NOL4: variants seen among roughly 807,000 people sequenced by gnomAD.
NOL4 encodes cancer/testis antigen 125.
A neutral mutation model predicts 75.9 loss-of-function variants in NOL4; 17 were observed. The ratio of observed to expected loss-of-function variants is 0.22; its 90% CI spans 0.15 to 0.34. NOL4 has a LOEUF of 0.34. Among genes scored for constraint, NOL4 ranks in the 10% least tolerant of loss-of-function variants. The pLI is 1.00. For missense variants in NOL4, 614 were observed against 793.5 expected, an observed-to-expected ratio of 0.77 and a Z score of 2.72; for synonymous variants, 292 against 289.9, an observed-to-expected ratio of 1.01 and a Z score of -0.07.
At chr18:34,061,645 A>C (rs951523717) in intron 5 of NOL4, among the ~76,000 whole-genome samples, 1 of 152,190 alleles carries the variant, frequency 6.6e-6, no homozygotes, top group Non-Finnish European at 1.5e-5. Context: ...GTTTTCATTA[A>C]TTCCACACTG....
intron 8 of NOL4, 120 bp downstream of exon 8, chr18:33,957,206 C>T: frequency 1.3e-6 from 1 of 755,934 alleles, no homozygotes; most frequent in Non-Finnish European, 2.0e-6. Flanking sequence ...ACAAAACCCC[C>T]TTTGACCTGA....
chr18:34,073,755 T>C (rs1174715237), intron 5 of NOL4, among the ~76,000 whole-genome samples: 2 of 151,952 alleles, frequency 1.3e-5, no homozygotes, highest in Non-Finnish European at 2.9e-5. Flanking sequence ...AGCTACAAAA[T>C]AATAGGGATA....
rs201241470 is a variant in NOL4, at chr18:34,088,727, A to T, written c.772+4738T>A. ...CTTTTAAGTCTGTAAAAAAAAATTTAAATAGCTCAACTTAGTTTCCTCAAA... is the reference window on the plus strand; with the variant it reads ...CTTTTAAGTCTGTAAAAAAAAATTTTAATAGCTCAACTTAGTTTCCTCAAA... On this transcript the variant is annotated intron_variant, in intron 5 of 10. Coordinates refer to ENST00000261592, the MANE Select transcript of NOL4 (RefSeq NM_003787.5). Among the ~76,000 whole-genome samples, 12 of 152,280 alleles carry T rather than the reference A, an allele frequency of 7.9e-5. No individual in the cohort carries two copies. In the East Asian group the frequency reaches 1.9e-3, roughly 24 times the overall value.
intron 9 of NOL4, among the ~76,000 whole-genome samples, chr18:33,913,367 C>G (rs1326792273): frequency 6.6e-6 from 1 of 152,048 alleles, no homozygotes. Flanking sequence ...AATGCAAAAC[C>G]TTTTTTCTAG....
chr18:33,974,479 G>A (rs112379504), intron 6 of NOL4, among the ~76,000 whole-genome samples: 1 of 152,034 alleles, frequency 6.6e-6, no homozygotes, highest in African/African-American at 2.4e-5. Flanking sequence ...GAGAGAGATG[G>A]GGGAACAGCC....
intron 1 of NOL4, among the ~76,000 whole-genome samples, chr18:34,220,418 AT>A (rs2037216530): frequency 6.6e-6 from 1 of 152,202 alleles, no homozygotes; most frequent in African/African-American, 2.4e-5. Flanking sequence ...GCTAAGAATG[AT>A]TCTTAGTCTG....
At chr18:34,210,047 C>T (rs189165747) in intron 1 of NOL4, among the ~76,000 whole-genome samples, 1 of 152,214 alleles carries the variant, frequency 6.6e-6, no homozygotes, top group Admixed American at 6.5e-5. Flanking sequence ...CTCTTGTTAT[C>T]AATTGTGAAG....
At chr18:34,140,701 T>C (rs1200532065) in intron 1 of NOL4, among the ~76,000 whole-genome samples, 1 of 152,302 alleles carries the variant, frequency 6.6e-6, no homozygotes, top group Middle Eastern at 3.4e-3. Flanking sequence ...TCTTGTTATG[T>C]GTGAATTTGA....
At chr18:34,103,821 C>A (rs1391006276) in intron 4 of NOL4, among the ~76,000 whole-genome samples, 4 of 152,068 alleles carry the variant, frequency 2.6e-5, no homozygotes, top group East Asian at 1.9e-4. Flanking sequence ...TTCTTGGGAA[C>A]AAACAAATTC....
chr18:34,125,299 A>T (rs559374355), intron 2 of NOL4, among the ~76,000 whole-genome samples: 4 of 152,284 alleles, frequency 2.6e-5, no homozygotes, highest in Admixed American at 2.6e-4. Flanking sequence ...AGATCTGCAA[A>T]CTCTACAAAC....
chr18:33,921,812 T>G (rs890089296), intron 9 of NOL4, among the ~76,000 whole-genome samples: 5 of 152,234 alleles, frequency 3.3e-5, no homozygotes, highest in Non-Finnish European at 7.3e-5. Context: ...TAATGTCCAC[T>G]GTAGTGAACA....
At chr18:33,898,833 C>T (rs1208883071) in intron 9 of NOL4, among the ~76,000 whole-genome samples, 2 of 152,082 alleles carry the variant, frequency 1.3e-5, no homozygotes, top group East Asian at 3.9e-4. Flanking sequence ...GCATGCAGAG[C>T]TCTTCAGAGT....
intron 5 of NOL4, among the ~76,000 whole-genome samples, chr18:34,064,342 T>C (rs1177970912): frequency 2.0e-5 from 3 of 151,974 alleles, no homozygotes; most frequent in African/African-American, 7.2e-5. Context: ...CAAATAATAC[T>C]GCAGTTGTAC....
chr18:34,051,049 C>T (rs2144972566), intron 5 of NOL4, among the ~76,000 whole-genome samples: 1 of 152,034 alleles, frequency 6.6e-6, no homozygotes, highest in South Asian at 2.1e-4. Context: ...ATAAGAGTAT[C>T]TTTATGAGAA....
chr18:34,044,611 C>T (rs574478042), intron 5 of NOL4, among the ~76,000 whole-genome samples: 1 of 152,144 alleles, frequency 6.6e-6, no homozygotes, highest in South Asian at 2.1e-4. Flanking sequence ...CCAATGAATG[C>T]TAAAGATGCT....
intron 8 of NOL4, among the ~76,000 whole-genome samples, chr18:33,951,429 C>A (rs1198442468): frequency 6.6e-6 from 1 of 151,990 alleles, no homozygotes; most frequent in East Asian, 1.9e-4. Flanking sequence ...TGTGGTTTTA[C>A]TATAATATCC....
At chr18:34,149,897 C>T (rs773830055) in intron 1 of NOL4, among the ~76,000 whole-genome samples, 1 of 151,430 alleles carries the variant, frequency 6.6e-6, no homozygotes, top group African/African-American at 2.4e-5. Flanking sequence ...GAATTTATAC[C>T]TCTATAACCT....
chr18:34,222,456 G>A, intron 1 of NOL4: 1 of 1,089,566 alleles, frequency 9.2e-7, no homozygotes, highest in Non-Finnish European at 1.1e-6. Flanking sequence ...CCCGGGCAGC[G>A]ATCTAACGAT....
intron 10 of NOL4, among the ~76,000 whole-genome samples, chr18:33,871,432 G>A (rs2063696138): frequency 6.6e-6 from 1 of 151,992 alleles, no homozygotes; most frequent in South Asian, 2.1e-4. Flanking sequence ...GAAAAAGCAG[G>A]ACATTCTGAG....
Sources: allele counts gnomAD v4.1 joint callset (sites outside exome capture counted in the v4.1 genomes callset), GRCh38; gene constraint gnomAD v4.1.1; transcripts MANE v1.5; gene names NCBI Gene and HGNC (gene_info 2026-07-23, HGNC 2026-07-21).